Variants in ZXDC observed in about 807,000 individuals in gnomAD.
ZXDC encodes ZXD family zinc finger C.
Under a neutral mutation model 63.6 loss-of-function variants are expected in ZXDC, and 58 were observed. That is an observed-to-expected ratio of 0.91 (90% confidence interval 0.74 to 1.13). The LOEUF is 1.13. Ranked by LOEUF, ZXDC falls within the 50% of genes most tolerant of loss-of-function variation. ZXDC has a pLI of 0.00. For synonymous variants in ZXDC, 561 were observed against 496.1 expected (o/e 1.13, Z -1.74); for missense variants, 1,133 against 1,148.9 (o/e 0.99, Z 0.20).
At chr3:126,452,601 A>G (rs1389112449) in intron 7 of ZXDC, 1 of 976,910 alleles carries the variant, frequency 1.0e-6, no homozygotes. Flanking sequence ...CAGATTTCGT[A>G]ACATTAAATC....
At chr3:126,454,862 G>A in intron 7 of ZXDC, 5 of 985,322 alleles carry the variant, frequency 5.1e-6, no homozygotes, top group Non-Finnish European at 6.0e-6. Flanking sequence ...ATTCTAAGGG[G>A]AGAATCTCAA....
At chr3:126,471,618 C>T (rs1294439206) in intron 3 of ZXDC, among the ~76,000 whole-genome samples, 5 of 151,912 alleles carry the variant, frequency 3.3e-5, no homozygotes, top group Non-Finnish European at 7.4e-5. Flanking sequence ...CTGAGTGTCA[C>T]CTGGACACAG....
chr3:126,461,034 G>C lies in ZXDC; in HGVS notation c.2127+501C>G, dbSNP rs373958887. ...ATTAACTGTCCAGCCTCAAAACTGG[G>C]GAAGTACTCTTATAATCCTCCAAGA... On this transcript the variant is annotated intron_variant, in intron 6 of 9. Coordinates refer to ENST00000389709, the MANE Select transcript of ZXDC (RefSeq NM_025112.5). 4.1e-5 allele frequency: 40 copies of C among 984,456 alleles called. No individual in the cohort carries two copies. The East Asian group carries it at 2.5e-3, about 61-fold the overall frequency. The allele number at this position is 984,456 out of a possible 1,614,324, so 61.0% of individuals were successfully genotyped here.
intron 7 of ZXDC, among the ~76,000 whole-genome samples, chr3:126,457,913 C>T (rs11716924): frequency 1.3e-5 from 2 of 151,954 alleles, no homozygotes; most frequent in African/African-American, 4.8e-5. Flanking sequence ...AGAAAAAAAA[C>T]GAAGGAACCT....
intron 7 of ZXDC, among the ~76,000 whole-genome samples, chr3:126,457,026 G>A (rs137860910): frequency 2.0e-3 from 309 of 152,326 alleles, no homozygotes; most frequent in Non-Finnish European, 3.4e-3. Flanking sequence ...GGTCCAGAGC[G>A]ATAGGCCCAT....
chr3:126,458,985 T>C, intron 7 of ZXDC: 1 of 980,900 alleles, frequency 1.0e-6, no homozygotes, highest in African/African-American at 1.7e-5. Context: ...TAAAATCATA[T>C]CAACCCTTTT....
chr3:126,453,235 A>T, intron 7 of ZXDC: 10 of 985,292 alleles, frequency 1.0e-5, no homozygotes, highest in Non-Finnish European at 1.2e-5. Flanking sequence ...ATATCTGTTT[A>T]TCTCTAGGTA....
In ZXDC at chr3:126,439,696, G is replaced by A. The variant is rs758081002; in HGVS notation, c.2426C>T (p.Ser809Leu). The change falls in exon 9 of 10, where the codon TCG becomes TTG. Residue 809 changes from serine to leucine, a missense_variant. Ser to Leu is a moderately radical substitution (Grantham distance 145). Transcript: ENST00000389709. ...DDPSGEGVLP[S>L]ARGPATFLPF... ...GAGGAAGGTGGCTGGGCCGCGGGCC[G>A]AGGGCAGGACACCTTCGCCGGAGGG... 7.5e-5 allele frequency: 117 copies of A among 1,552,424 alleles called. No individual in the cohort carries two copies. The highest frequency in any genetic ancestry group is 9.0e-5 in the Non-Finnish European group (103 of 1,147,372).
In ZXDC at chr3:126,475,880, C is replaced by T. The variant is rs1355921343; in HGVS notation, c.-15G>A. ...GGGAGGTCCATCTTGGTCCCAGCGA[C>T]GGCGTCGGAGCAGCTTCGGACGCAG... On this transcript the variant is annotated 5_prime_UTR_variant, in exon 1 of 10. Transcript: ENST00000389709. The T allele has an allele frequency of 3.4e-5, 37 of 1,073,504 alleles. No individual in the cohort carries two copies. Among genetic ancestry groups the T allele is most frequent in the Non-Finnish European group, 4.1e-5 (36 of 887,530 alleles). 66.5% of individuals were successfully genotyped at this position (1,073,504 alleles called of 1,614,324 possible).
At chr3:126,457,391 C>A in intron 7 of ZXDC, 1 of 985,424 alleles carries the variant, frequency 1.0e-6, no homozygotes, top group South Asian at 4.7e-5. Context: ...CAGTGCCCTG[C>A]ATGTTTTGGA....
intron 6 of ZXDC, chr3:126,459,990 A>G (rs1204001929): frequency 3.0e-6 from 3 of 985,362 alleles, no homozygotes; most frequent in Non-Finnish European, 3.6e-6. Flanking sequence ...TCTAAAACAT[A>G]GCCAAATATT....
At chr3:126,458,180 G>C (rs1408500884) in intron 7 of ZXDC, among the ~76,000 whole-genome samples, 2 of 149,516 alleles carry the variant, frequency 1.3e-5, no homozygotes, top group Non-Finnish European at 3.0e-5. Flanking sequence ...AGAAAATACT[G>C]TTAATTTTTA....
rs932665175 is a variant in ZXDC, at chr3:126,465,173, G to T, written c.1441+982C>A. Among the ~76,000 whole-genome samples, 31 of 152,340 alleles carry T rather than the reference G, an allele frequency of 2.0e-4. 1 individual carries two copies. The highest frequency in any genetic ancestry group is 4.1e-4 in the South Asian group (2 of 4,826). The stretch of plus-strand genomic sequence containing the variant: ...AGCCTCCACGGACTGAGCAGCAGAA[G>T]TAACTCTAGGGCCAGCTAGGATGCC... On this transcript the variant is annotated intron_variant, in intron 5 of 9. Coordinates refer to ENST00000389709, the MANE Select transcript of ZXDC (RefSeq NM_025112.5).
At chr3:126,440,045 G>A in intron 8 of ZXDC, 1 of 1,171,140 alleles carries the variant, frequency 8.5e-7, no homozygotes, top group South Asian at 2.5e-5. Flanking sequence ...CCTTGCAGGT[G>A]CCCTGGCACG....
In ZXDC at chr3:126,461,802, C is replaced by T. The variant is rs1456774215; in HGVS notation, c.1860G>A (p.Leu620=). Residue 620 remains leucine, a synonymous_variant, in exon 6 of 10, where the codon TTG becomes TTA. Coordinates refer to ENST00000389709, the MANE Select transcript of ZXDC (RefSeq NM_025112.5). Reference sequence around the variant, plus strand: ...AGGTCAAAGCCAGTGGGTCGTCACTCAAGTTCTTCATGGGCAGAGCCACCA... The same window carrying T: ...AGGTCAAAGCCAGTGGGTCGTCACTTAAGTTCTTCATGGGCAGAGCCACCA... ...GCLVALPMKN[L]SDDPLALTSN... 1 of 1,614,106 alleles carries T rather than the reference C, an allele frequency of 6.2e-7. No individual in the cohort carries two copies. The highest frequency in any genetic ancestry group is 8.5e-7 in the Non-Finnish European group (1 of 1,180,012).
chr3:126,459,262 C>T (rs1412591071), intron 7 of ZXDC: 1 of 985,298 alleles, frequency 1.0e-6, no homozygotes, highest in Non-Finnish European at 1.2e-6. Context: ...TGTACACGTA[C>T]CTGGGGACAG....
chr3:126,475,101 G>A lies in ZXDC; in HGVS notation c.765C>T (p.Leu255=), dbSNP rs777992632. The part of the protein sequence containing the change: ...CGKKFTTVYN[L]KAHMKGHEQE... ...GCTCGTGGCCCTTCATGTGCGCCTT[G>A]AGGTTATAGACCGTAGTGAACTTCT... The change falls in exon 1 of 10, where the codon CTC becomes CTT. Residue 255 remains leucine (L), a synonymous_variant. Coordinates refer to ENST00000389709, the MANE Select transcript of ZXDC (RefSeq NM_025112.5). The A allele has an allele frequency of 1.9e-6, 3 of 1,610,550 alleles. No homozygotes were observed. The highest frequency in any genetic ancestry group is 1.7e-5 in the Admixed American group (1 of 59,644).
Position 126,461,968 on chromosome 3 carries a change from G to A in ZXDC, c.1694C>T (p.Pro565Leu). ...ATCACTGTGGGCCACCAGGACCAGG[G>A]GTTCCATCGGCCCTAGGGAGCTATT... ...ANNSSLGPME[P>L]LVLVAHSDIP... The change falls in exon 6 of 10, where the codon CCC (proline) becomes CTC (leucine). Residue 565 changes from proline (P) to leucine (L), a missense_variant. Pro to Leu is a moderately conservative substitution (Grantham distance 98). Transcript: ENST00000389709. 1 of 1,614,134 alleles carries A rather than the reference G, an allele frequency of 6.2e-7. No individual in the cohort carries two copies.
chr3:126,449,727 C>A (rs978974090), intron 7 of ZXDC, among the ~76,000 whole-genome samples: 3 of 152,202 alleles, frequency 2.0e-5, no homozygotes, highest in Non-Finnish European at 4.4e-5. Context: ...CCAAGGCCGA[C>A]CTTCACCCTC....
Sources: gnomAD v4.1 joint callset for allele counts (sites outside exome capture counted in the v4.1 genomes callset) on GRCh38, gnomAD v4.1.1 for gene constraint, MANE v1.5 for transcripts, NCBI Gene and HGNC (gene_info 2026-07-23, HGNC 2026-07-21) for gene names.